INSM1: variants seen among roughly 807,000 people sequenced by gnomAD.
The protein encoded by INSM1 is INSM transcriptional repressor 1.
A neutral mutation model predicts 21.1 loss-of-function variants in INSM1; 11 were observed. The ratio of observed to expected loss-of-function variants is 0.52; its 90% CI spans 0.33 to 0.86. The LOEUF is 0.86. Among genes scored for constraint, INSM1 ranks in the 40% least tolerant of loss-of-function variants. INSM1 has a pLI of 0.03. For missense variants in INSM1, 843 were observed against 760.1 expected (o/e 1.11, Z -1.28); for synonymous variants, 473 against 386.1 (o/e 1.23, Z -2.64).
At position 20,368,519 on chromosome 20, in the gene INSM1, G is replaced by C; in HGVS notation, c.252G>C (p.Arg84=). The change falls in exon 1 of 1, where the codon CGG becomes CGC. Residue 84 remains arginine, a synonymous_variant. Transcript: ENST00000310227. The surrounding 1 kb of genome is among the most constrained non-coding windows in gnomAD (Gnocchi z 4.3). The part of the protein sequence containing the change: ...PGPQPPPQGP[R]AAHFGNPEAA... ...CGCAGCCACCCCCGCAGGGCCCGCGGGCCGCGCACTTCGGCAACCCCGAGG... is the reference window on the plus strand; with the variant it reads ...CGCAGCCACCCCCGCAGGGCCCGCGCGCCGCGCACTTCGGCAACCCCGAGG... 7.9e-7 allele frequency: 1 copy of C among 1,270,260 alleles called. No individual in the cohort carries two copies. The highest frequency in any genetic ancestry group is 1.0e-6 in the Non-Finnish European group (1 of 989,800). The allele number at this position is 1,270,260 out of a possible 1,614,324, so 78.7% of individuals were successfully genotyped here.
In INSM1 at chr20:20,369,572, T is replaced by G. The variant is rs756379486; in HGVS notation, c.1305T>G (p.Ser435Arg). 8.1e-6 allele frequency: 13 copies of G among 1,596,582 alleles called. 1 individual carries two copies. In the South Asian group the frequency reaches 1.4e-4, roughly 18 times the overall value. The change falls in exon 1 of 1, where the codon AGT becomes AGG. Residue 435 changes from serine to arginine, a missense_variant. Physicochemically the swap from Ser to Arg is moderately radical, Grantham distance 110. Coordinates refer to ENST00000310227, the MANE Select transcript of INSM1 (RefSeq NM_002196.3). The surrounding 1 kb of genome is among the most constrained non-coding windows in gnomAD (Gnocchi z 5.6). The part of the protein sequence containing the change: ...DGEGAGVLGL[S>R]ASAECHLCPV... ...AGGGGGCCGGCGTGCTGGGCCTGAG[T>G]GCGTCCGCCGAGTGCCACCTGTGCC...
rs115136615 is a variant in INSM1, at chr20:20,369,956, G to A, written c.*156G>A. ...TCGTCTCCGCTTCTCTCGGTGTGGC[G>A]TGACGGTAACCCCATACTCTCCTTT... On this transcript the variant is annotated 3_prime_UTR_variant, in exon 1 of 1. Coordinates refer to ENST00000310227, the MANE Select transcript of INSM1 (RefSeq NM_002196.3). This position sits in a 1 kb window ranked among gnomAD's most constrained non-coding sequence, Gnocchi z 5.6. 5.7e-4 allele frequency: 384 copies of A among 668,710 alleles called. No individual in the cohort carries two copies. The African/African-American group carries it at 6.7e-3, about 12-fold the overall frequency. The allele number at this position is 668,710 out of a possible 1,614,324, so 41.4% of individuals were successfully genotyped here. A position where few individuals can be genotyped will look rare whatever the true frequency, so the allele number is the denominator to read the frequency against.
rs549579560 is a variant in INSM1 at position 20,369,014 on chromosome 20, G to A, written c.747G>A (p.Pro249=). Residue 249 remains proline (P), a synonymous_variant, in exon 1 of 1, where the codon CCG becomes CCA. Coordinates refer to ENST00000310227, the MANE Select transcript of INSM1 (RefSeq NM_002196.3). This position sits in a 1 kb window ranked among gnomAD's most constrained non-coding sequence, Gnocchi z 5.6. The part of the protein sequence containing the change: ...PVLGLKIKEG[P]VEAPRGRAGG... ...TGGGGCTCAAGATCAAGGAGGGCCC[G>A]GTGGAGGCGCCGCGGGGCCGCGCGG... The A allele has an allele frequency of 1.7e-5, 26 of 1,529,070 alleles. No individual in the cohort carries two copies. In the East Asian group the frequency reaches 4.8e-4, roughly 28 times the overall value. 94.7% of individuals were successfully genotyped at this position (1,529,070 alleles called of 1,614,324 possible).
At position 20,368,678 on chromosome 20, in the gene INSM1, G is replaced by T; in HGVS notation, c.411G>T (p.Leu137=). 7.4e-7 allele frequency: 1 copy of T among 1,355,956 alleles called. No individual in the cohort carries two copies. The highest frequency in any genetic ancestry group is 1.6e-5 in the South Asian group (1 of 61,614). The allele number at this position is 1,355,956 out of a possible 1,614,324, so 84.0% of individuals were successfully genotyped here. The change falls in exon 1 of 1, where the codon CTG becomes CTT. Residue 137 remains leucine (L), a synonymous_variant. Transcript: ENST00000310227. The surrounding 1 kb of genome is among the most constrained non-coding windows in gnomAD (Gnocchi z 4.3). ...AGTCCTTCCCCACGCCCGCCGCGCT[G>T]CTCGGAGGGGGCGGCGGCGGCGGCG... is the stretch of plus-strand genomic sequence containing the variant. ...SAESFPTPAA[L]LGGGGGGGAS...
chr20:20,369,050 G>T lies in INSM1; in HGVS notation c.783G>T (p.Ala261=). The change falls in exon 1 of 1, where the codon GCG becomes GCT. Residue 261 remains alanine (A), a synonymous_variant. Transcript: ENST00000310227. The surrounding 1 kb of genome is among the most constrained non-coding windows in gnomAD (Gnocchi z 5.6). ...CGCGGGGCCGCGCGGGGGGCGCGGC[G>T]CGGCCGCTGGGCGAGTTCATCTGCC... ...EAPRGRAGGA[A]RPLGEFICQL... is the part of the protein sequence containing the mutation. 1.2e-5 allele frequency: 19 copies of T among 1,553,838 alleles called. No homozygotes were observed. The highest frequency in any genetic ancestry group is 1.6e-5 in the Non-Finnish European group (19 of 1,157,188).
rs1210709575 is a variant in INSM1 at position 20,368,530 on chromosome 20, T to TCGGCAACCCCGAGGCTGCGCACCC, written c.266_289dup (p.Gly89_Pro96dup). Reference sequence around the variant, plus strand: ...CCGCAGGGCCCGCGGGCCGCGCACTTCGGCAACCCCGAGGCTGCGCACCCC... The same window carrying TCGGCAACCCCGAGGCTGCGCACCC: ...CCGCAGGGCCCGCGGGCCGCGCACTTCGGCAACCCCGAGGCTGCGCACCCCGGCAACCCCGAGGCTGCGCACCCC... On this transcript the variant is annotated inframe_insertion, in exon 1 of 1. Coordinates refer to ENST00000310227, the MANE Select transcript of INSM1 (RefSeq NM_002196.3). The surrounding 1 kb of genome is among the most constrained non-coding windows in gnomAD (Gnocchi z 4.3). 28 of 1,300,760 alleles carry TCGGCAACCCCGAGGCTGCGCACCC rather than the reference T, an allele frequency of 2.2e-5. No homozygotes were observed. The highest frequency in any genetic ancestry group is 7.4e-5 in the East Asian group (2 of 27,016). The allele number at this position is 1,300,760 out of a possible 1,614,324, so 80.6% of individuals were successfully genotyped here. A position where few individuals can be genotyped will look rare whatever the true frequency, so the allele number is the denominator to read the frequency against.
chr20:20,369,244 C>A lies in INSM1; in HGVS notation c.977C>A (p.Ala326Asp). 1 of 1,444,692 alleles carries A rather than the reference C, an allele frequency of 6.9e-7. No homozygotes were observed. The highest frequency in any genetic ancestry group is 9.0e-7 in the Non-Finnish European group (1 of 1,107,064). 89.5% of individuals were successfully genotyped at this position (1,444,692 alleles called of 1,614,324 possible). ...WHKPRPAPAAARAPEPEAAAR... is the reference protein window; with the variant it reads ...WHKPRPAPAADRAPEPEAAAR... ...AAACCGCGGCCCGCGCCCGCCGCCG[C>A]CCGCGCGCCGGAGCCAGAAGCAGCA... Residue 326 changes from alanine to aspartate, a missense_variant, in exon 1 of 1, where the codon GCC (alanine) becomes GAC (aspartate). By Grantham distance (126) the Ala-to-Asp change is moderately radical. Transcript: ENST00000310227. This position sits in a 1 kb window ranked among gnomAD's most constrained non-coding sequence, Gnocchi z 5.6.
rs760767599 is a variant in INSM1 at position 20,369,065 on chromosome 20, G to A, written c.798G>A (p.Glu266=). The change falls in exon 1 of 1, where the codon GAG becomes GAA. Residue 266 remains glutamate (E), a synonymous_variant. Coordinates refer to ENST00000310227, the MANE Select transcript of INSM1 (RefSeq NM_002196.3). This position sits in a 1 kb window ranked among gnomAD's most constrained non-coding sequence, Gnocchi z 5.6. ...GGGGCGCGGCGCGGCCGCTGGGCGAGTTCATCTGCCAGCTGTGCAAGGAGG... is the reference window on the plus strand; with the variant it reads ...GGGGCGCGGCGCGGCCGCTGGGCGAATTCATCTGCCAGCTGTGCAAGGAGG... ...RAGGAARPLG[E]FICQLCKEEY... 2 of 1,573,848 alleles carry A rather than the reference G, an allele frequency of 1.3e-6. No homozygotes were observed. Among genetic ancestry groups the A allele is most frequent in the African/African-American group, 1.4e-5 (1 of 71,294 alleles).
chr20:20,369,525 C>A lies in INSM1; in HGVS notation c.1258C>A (p.Gln420Lys). The A allele has an allele frequency of 6.4e-7, 1 of 1,557,070 alleles. No individual in the cohort carries two copies. The highest frequency in any genetic ancestry group is 8.6e-7 in the Non-Finnish European group (1 of 1,160,070). Residue 420 changes from glutamine to lysine, a missense_variant, in exon 1 of 1, where the codon CAG (glutamine) becomes AAG (lysine). Gln to Lys is a moderately conservative substitution (Grantham distance 53, BLOSUM62 1). Coordinates refer to ENST00000310227, the MANE Select transcript of INSM1 (RefSeq NM_002196.3). The surrounding 1 kb of genome is among the most constrained non-coding windows in gnomAD (Gnocchi z 5.6). ...LYPGPDEKAP[Q>K]EAAGDGEGAG... ...CCCCGGGCCCGACGAGAAGGCGCCC[C>A]AGGAGGCGGCCGGCGACGGCGAGGG...
In INSM1 at chr20:20,368,447, G is replaced by A. The variant is rs866758930; in HGVS notation, c.180G>A (p.Glu60=). Residue 60 remains glutamate, a synonymous_variant, in exon 1 of 1, where the codon GAG becomes GAA. Transcript: ENST00000310227. The surrounding 1 kb of genome is among the most constrained non-coding windows in gnomAD (Gnocchi z 4.3). The stretch of plus-strand genomic sequence containing the variant: ...CGCTGCCGCCGCCGCCGCCCGCGGA[G>A]CGCGCCCATGCAGCGCTCGCCGCCG... ...PGPLPPPPPA[E]RAHAALAAAL... The A allele has an allele frequency of 2.2e-3, 2,184 of 998,422 alleles. 44 individuals carry two copies. The African/African-American group carries it at 0.036, about 16-fold the overall frequency. The allele number at this position is 998,422 out of a possible 1,614,324, so 61.8% of individuals were successfully genotyped here. A position where few individuals can be genotyped will look rare whatever the true frequency, so the allele number is the denominator to read the frequency against.
In INSM1 at chr20:20,369,244, C is replaced by T. The variant is rs1436529490; in HGVS notation, c.977C>T (p.Ala326Val). Residue 326 changes from alanine to valine, a missense_variant, in exon 1 of 1, where the codon GCC (alanine) becomes GTC (valine). Ala to Val is a moderately conservative substitution (Grantham distance 64). Coordinates refer to ENST00000310227, the MANE Select transcript of INSM1 (RefSeq NM_002196.3). The surrounding 1 kb of genome is among the most constrained non-coding windows in gnomAD (Gnocchi z 5.6). Reference sequence around the variant, plus strand: ...AAACCGCGGCCCGCGCCCGCCGCCGCCCGCGCGCCGGAGCCAGAAGCAGCA... The same window carrying T: ...AAACCGCGGCCCGCGCCCGCCGCCGTCCGCGCGCCGGAGCCAGAAGCAGCA... ...WHKPRPAPAA[A>V]RAPEPEAAAR... is the part of the protein sequence containing the mutation. The T allele has an allele frequency of 1.2e-5, 18 of 1,444,692 alleles. No homozygotes were observed. The highest frequency in any genetic ancestry group is 1.6e-5 in the Non-Finnish European group (18 of 1,107,064). 89.5% of individuals were successfully genotyped at this position (1,444,692 alleles called of 1,614,324 possible).
chr20:20,368,494 C>G lies in INSM1; in HGVS notation c.227C>G (p.Pro76Arg), dbSNP rs762571196. 8 of 1,158,394 alleles carry G rather than the reference C, an allele frequency of 6.9e-6. No individual in the cohort carries two copies. Among genetic ancestry groups the G allele is most frequent in the East Asian group, 4.5e-5 (1 of 22,374 alleles). The allele number at this position is 1,158,394 out of a possible 1,614,324, so 71.8% of individuals were successfully genotyped here. ...LAAALACAPGPQPPPQGPRAA... is the reference protein window; with the variant it reads ...LAAALACAPGRQPPPQGPRAA... Reference sequence around the variant, plus strand: ...GCCGCGCTTGCCTGCGCGCCTGGGCCGCAGCCACCCCCGCAGGGCCCGCGG... The same window carrying G: ...GCCGCGCTTGCCTGCGCGCCTGGGCGGCAGCCACCCCCGCAGGGCCCGCGG... Residue 76 changes from proline to arginine, a missense_variant, in exon 1 of 1, where the codon CCG becomes CGG. By Grantham distance (103) the Pro-to-Arg change is moderately radical. Coordinates refer to ENST00000310227, the MANE Select transcript of INSM1 (RefSeq NM_002196.3). This position sits in a 1 kb window ranked among gnomAD's most constrained non-coding sequence, Gnocchi z 4.3.
At position 20,368,835 on chromosome 20, in the gene INSM1, C is replaced by T. The variant is rs1238728326; in HGVS notation, c.568C>T (p.Pro190Ser). 5 of 1,241,358 alleles carry T rather than the reference C, an allele frequency of 4.0e-6. No homozygotes were observed. Among genetic ancestry groups the T allele is most frequent in the Non-Finnish European group, 5.1e-6 (5 of 978,090 alleles). 76.9% of individuals were successfully genotyped at this position (1,241,358 alleles called of 1,614,324 possible). The change falls in exon 1 of 1, where the codon CCC (proline) becomes TCC (serine). Residue 190 changes from proline to serine, a missense_variant. Physicochemically the swap from Pro to Ser is moderately conservative, Grantham distance 74 (BLOSUM62 -1). Coordinates refer to ENST00000310227, the MANE Select transcript of INSM1 (RefSeq NM_002196.3). The surrounding 1 kb of genome is among the most constrained non-coding windows in gnomAD (Gnocchi z 4.3). The stretch of plus-strand genomic sequence containing the variant: ...CGGCCCGGGCCCCGGCCCCCCACTG[C>T]CCCCTGCCGCCGCCCTGCGGCCCCC... ...ARGPGPGPPLPPAAALRPPGK... is the reference protein window; with the variant it reads ...ARGPGPGPPLSPAAALRPPGK...
At position 20,368,549 on chromosome 20, in the gene INSM1, G is replaced by C; in HGVS notation, c.282G>C (p.Ala94=). The C allele has an allele frequency of 7.2e-7, 1 of 1,385,560 alleles. No homozygotes were observed. The highest frequency in any genetic ancestry group is 9.5e-7 in the Non-Finnish European group (1 of 1,050,760). 85.8% of individuals were successfully genotyped at this position (1,385,560 alleles called of 1,614,324 possible). A position where few individuals can be genotyped will look rare whatever the true frequency, so the allele number is the denominator to read the frequency against. The change falls in exon 1 of 1, where the codon GCG becomes GCC. Residue 94 remains alanine (A), a synonymous_variant. Transcript: ENST00000310227. This position sits in a 1 kb window ranked among gnomAD's most constrained non-coding sequence, Gnocchi z 4.3. ...CGCACTTCGGCAACCCCGAGGCTGC[G>C]CACCCCGCGCCGCTCTACAGTCCCA... is the stretch of plus-strand genomic sequence containing the variant. ...RAAHFGNPEA[A]HPAPLYSPTR... is the part of the protein sequence containing the mutation.
chr20:20,369,431 G>A lies in INSM1; in HGVS notation c.1164G>A (p.Ala388=). The change falls in exon 1 of 1, where the codon GCG becomes GCA. Residue 388 remains alanine, a synonymous_variant. Transcript: ENST00000310227. This position sits in a 1 kb window ranked among gnomAD's most constrained non-coding sequence, Gnocchi z 5.6. ...RQAYLRKHLL[A]HHQALQAKGA... is the part of the protein sequence containing the mutation. ...CCTACCTACGCAAGCACCTGCTGGCGCACCACCAGGCGCTGCAGGCCAAGG... is the reference window on the plus strand; with the variant it reads ...CCTACCTACGCAAGCACCTGCTGGCACACCACCAGGCGCTGCAGGCCAAGG... 2 of 1,545,438 alleles carry A rather than the reference G, an allele frequency of 1.3e-6. No homozygotes were observed. Among genetic ancestry groups the A allele is most frequent in the East Asian group, 2.5e-5 (1 of 40,408 alleles).
Position 20,369,476 on chromosome 20 carries a change from G to T in INSM1, c.1209G>T (p.Pro403=). 6.5e-7 allele frequency: 1 copy of T among 1,530,216 alleles called. No homozygotes were observed. Among genetic ancestry groups the T allele is most frequent in the African/African-American group, 1.4e-5 (1 of 71,326 alleles). The allele number at this position is 1,530,216 out of a possible 1,614,324, so 94.8% of individuals were successfully genotyped here. Reference sequence around the variant, plus strand: ...CCAAGGGCGCGCCGCTAGCGCCCCCGGCCGAGGACCTACTGGCCTTGTACC... The same window carrying T: ...CCAAGGGCGCGCCGCTAGCGCCCCCTGCCGAGGACCTACTGGCCTTGTACC... ...LQAKGAPLAP[P]AEDLLALYPG... is the part of the protein sequence containing the mutation. The change falls in exon 1 of 1, where the codon CCG becomes CCT. Residue 403 remains proline (P), a synonymous_variant. Transcript: ENST00000310227. This position sits in a 1 kb window ranked among gnomAD's most constrained non-coding sequence, Gnocchi z 5.6.
Position 20,368,912 on chromosome 20 carries a change from C to A in INSM1, c.645C>A (p.Val215=), listed in dbSNP as rs770834919. 3.3e-6 allele frequency: 5 copies of A among 1,510,232 alleles called. No homozygotes were observed. The highest frequency in any genetic ancestry group is 2.9e-5 in the African/African-American group (2 of 69,098). The allele number at this position is 1,510,232 out of a possible 1,614,324, so 93.6% of individuals were successfully genotyped here. Residue 215 remains valine, a synonymous_variant, in exon 1 of 1, where the codon GTC becomes GTA. Coordinates refer to ENST00000310227, the MANE Select transcript of INSM1 (RefSeq NM_002196.3). The surrounding 1 kb of genome is among the most constrained non-coding windows in gnomAD (Gnocchi z 4.3). ...PTAAEPPAKA[V]KAPGAKKPKA... The stretch of plus-strand genomic sequence containing the variant: ...CCGCGGAGCCGCCCGCCAAGGCAGT[C>A]AAGGCCCCGGGCGCCAAGAAGCCCA...
At position 20,369,657 on chromosome 20, in the gene INSM1, C is replaced by T; in HGVS notation, c.1390C>T (p.His464Tyr). The T allele has an allele frequency of 6.2e-7, 1 of 1,600,666 alleles. No individual in the cohort carries two copies. ...GAQERHLRLL[H>Y]AAQVFPCKYC... ...TCAGGAGCGCCACCTGCGCCTGCTG[C>T]ACGCCGCCCAGGTGTTCCCCTGCAA... Residue 464 changes from histidine to tyrosine, a missense_variant, in exon 1 of 1, where the codon CAC (histidine) becomes TAC (tyrosine). Coordinates refer to ENST00000310227, the MANE Select transcript of INSM1 (RefSeq NM_002196.3). The surrounding 1 kb of genome is among the most constrained non-coding windows in gnomAD (Gnocchi z 5.6).
rs1158440590 is a variant in INSM1, at chr20:20,368,399, G to A, written c.132G>A (p.Pro44=). Residue 44 remains proline, a synonymous_variant, in exon 1 of 1, where the codon CCG becomes CCA. Transcript: ENST00000310227. The surrounding 1 kb of genome is among the most constrained non-coding windows in gnomAD (Gnocchi z 4.3). ...GCGGGGGCGCCCGCGCCGAGCCCCC[G>A]GCGCCGAGCCCGGTCCCCGGGCCGC... The part of the protein sequence containing the change: ...PSCGGARAEP[P]APSPVPGPLP... The A allele has an allele frequency of 9.8e-7, 1 of 1,015,716 alleles. No homozygotes were observed. Among genetic ancestry groups the A allele is most frequent in the Non-Finnish European group, 1.2e-6 (1 of 850,974 alleles). 62.9% of individuals were successfully genotyped at this position (1,015,716 alleles called of 1,614,324 possible). A position where few individuals can be genotyped will look rare whatever the true frequency, so the allele number is the denominator to read the frequency against.
Sources: gnomAD v4.1 joint callset for allele counts on GRCh38, gnomAD v4.1.1 for gene constraint, Gnocchi (gnomAD v3.1) non-coding constraint, MANE v1.5 for transcripts, NCBI Gene and HGNC (gene_info 2026-07-23, HGNC 2026-07-21) for gene names.